The following CALD1 variants were observed in gnomAD, a reference collection of about 807,000 sequenced individuals.
The protein encoded by CALD1 is caldesmon 1.
Under a neutral mutation model 99.9 loss-of-function variants are expected in CALD1, and 33 were observed. That is an observed-to-expected ratio of 0.33 (90% CI 0.25 to 0.44). CALD1 has a LOEUF of 0.44. Ranked by LOEUF, CALD1 falls within the 20% of genes least tolerant of loss-of-function variation. The probability of loss-of-function intolerance (pLI) is 1.00; values close to 1 mark genes in which losing one functional copy is unlikely to be tolerated. For synonymous variants in CALD1, 310 were observed against 325.0 expected, an observed-to-expected ratio of 0.95 and a Z score of 0.50; for missense variants, 861 against 962.1, an observed-to-expected ratio of 0.89 and a Z score of 1.39.
At chr7:134,732,076 G>T in the CALD1 span, among the ~76,000 whole-genome samples, 1 of 152,200 alleles carries the variant, frequency 6.6e-6, no homozygotes, top group Admixed American at 6.5e-5. Flanking sequence ...TCTGTTTGTT[G>T]TTTTCTTTTT....
chr7:134,933,664 G>GA lies in CALD1; in HGVS notation c.900dup (p.Ala301SerfsTer82), dbSNP rs867395131. ...TGAACGAGCAAGAATTGAAGCAGAA[G>GA]AAAAAGCAGCTGCCCAAGAAAGAGA... On this transcript the variant is annotated frameshift_variant, in exon 5 of 15. Transcript: ENST00000361675. LOFTEE classifies it high-confidence loss of function. The GA allele has an allele frequency of 1.3e-6, 2 of 1,599,996 alleles. No individual in the cohort carries two copies. Among genetic ancestry groups the GA allele is most frequent in the African/African-American group, 2.7e-5 (2 of 74,622 alleles).
At chr7:134,858,679 C>T (rs577251909) in intron 2 of CALD1, among the ~76,000 whole-genome samples, 209 of 152,206 alleles carry the variant, frequency 1.4e-3, no homozygotes, top group African/African-American at 4.7e-3. Context: ...AAGCGATTCT[C>T]CTGCCTCAGC....
chr7:134,756,475 T>C (rs999739697), intron 1 of CALD1, among the ~76,000 whole-genome samples: 1 of 152,008 alleles, frequency 6.6e-6, no homozygotes, highest in Non-Finnish European at 1.5e-5. Context: ...CATGATCTAT[T>C]AGTGAGAGTT....
chr7:134,773,828 T>TGTG (rs1562993231), intron 1 of CALD1, among the ~76,000 whole-genome samples: 3 of 125,368 alleles, frequency 2.4e-5, no homozygotes, highest in African/African-American at 9.5e-5. Flanking sequence ...GTGTGTGTGT[T>TGTG]TCTGTTGTTT....
At chr7:134,876,625 AC>A (rs1801366920) in intron 3 of CALD1, among the ~76,000 whole-genome samples, 1 of 152,206 alleles carries the variant, frequency 6.6e-6, no homozygotes, top group African/African-American at 2.4e-5. Context: ...GTCAACAAGG[AC>A]AAAAAAACTT....
intron 1 of CALD1, among the ~76,000 whole-genome samples, chr7:134,793,523 C>G (rs1797623981): frequency 6.6e-6 from 1 of 152,014 alleles, no homozygotes; most frequent in African/African-American, 2.4e-5. Flanking sequence ...CCTTTTTGTC[C>G]CTTTTTTGTC....
chr7:134,852,598 CA>C (rs1216919016), intron 2 of CALD1, among the ~76,000 whole-genome samples: 1 of 152,148 alleles, frequency 6.6e-6, no homozygotes, highest in Non-Finnish European at 1.5e-5. Flanking sequence ...ACCTTCTAGG[CA>C]GTCATTGAAT....
intron 3 of CALD1, chr7:134,899,795 C>T: frequency 6.6e-6 from 1 of 152,308 alleles, no homozygotes; most frequent in East Asian, 1.9e-4. Context: ...AGATGCTTGC[C>T]ACCACTCCTA....
chr7:134,767,224 T>C (rs982629821), intron 1 of CALD1, among the ~76,000 whole-genome samples: 21 of 148,038 alleles, frequency 1.4e-4, no homozygotes, highest in East Asian at 4.0e-4. Flanking sequence ...TGTGTGTGTG[T>C]GCGTGTGTGA....
At chr7:134,740,300 TA>T (rs534151754), upstream of CALD1, among the ~76,000 whole-genome samples, 17 of 151,022 alleles carry the variant, frequency 1.1e-4, no homozygotes, top group African/African-American at 3.6e-4. Flanking sequence ...TGGAGGGGAT[TA>T]AAAAAAAAGA....
chr7:134,790,417 C>T (rs1247832724), intron 1 of CALD1, among the ~76,000 whole-genome samples: 1 of 152,178 alleles, frequency 6.6e-6, no homozygotes, highest in African/African-American at 2.4e-5. Flanking sequence ...CTGTTCAAAG[C>T]TCCTCCCTAA....
intron 13 of CALD1, among the ~76,000 whole-genome samples, chr7:134,964,268 G>C (rs1208848091): frequency 6.6e-6 from 1 of 152,204 alleles, no homozygotes. Context: ...AGTGATTCCA[G>C]AGCAAGTTGT....
chr7:134,738,623 A>G, the CALD1 span, among the ~76,000 whole-genome samples: 1 of 152,214 alleles, frequency 6.6e-6, no homozygotes, highest in East Asian at 1.9e-4. Flanking sequence ...TTATTAACAA[A>G]TTAGATGAGA....
At chr7:134,819,672 C>G (rs984983866) in intron 1 of CALD1, among the ~76,000 whole-genome samples, 1 of 152,180 alleles carries the variant, frequency 6.6e-6, no homozygotes, top group Non-Finnish European at 1.5e-5. Flanking sequence ...CTAAGAAGCC[C>G]TTGTAAAAAA....
rs564377762 is a variant in CALD1 at position 134,941,010 on chromosome 7, T to C, written c.1387-82T>C. On this transcript the variant is annotated intron_variant, in intron 6 of 14. Transcript: ENST00000361675. The stretch of plus-strand genomic sequence containing the variant: ...TGAGTTTTCTGCCTTCCTAACAATT[T>C]TGGGTCTTACTTGATGATACCAACC... 18 of 1,140,318 alleles carry C rather than the reference T, an allele frequency of 1.6e-5. 1 individual carries two copies. The South Asian group carries it at 2.0e-4, about 13-fold the overall frequency. 70.6% of individuals were successfully genotyped at this position (1,140,318 alleles called of 1,614,324 possible).
intron 1 of CALD1, among the ~76,000 whole-genome samples, chr7:134,834,217 A>C (rs1402131625): frequency 6.6e-6 from 1 of 152,212 alleles, no homozygotes; most frequent in Non-Finnish European, 1.5e-5. Flanking sequence ...GGTTGCTTGA[A>C]GTATTTATCG....
At chr7:134,904,361 G>C (rs1334698618) in intron 3 of CALD1, among the ~76,000 whole-genome samples, 1 of 151,906 alleles carries the variant, frequency 6.6e-6, no homozygotes, top group Non-Finnish European at 1.5e-5. Flanking sequence ...TGGGAGGATT[G>C]CTTGATCCCA....
intron 3 of CALD1, among the ~76,000 whole-genome samples, chr7:134,921,185 C>T (rs1440731877): frequency 1.3e-5 from 2 of 152,164 alleles, no homozygotes; most frequent in Non-Finnish European, 2.9e-5. Flanking sequence ...GTCTGATGAA[C>T]AGTTGTCTCA....
chr7:134,859,124 T>C (rs781527680), intron 2 of CALD1, among the ~76,000 whole-genome samples: 10 of 152,240 alleles, frequency 6.6e-5, no homozygotes, highest in Non-Finnish European at 1.2e-4. Flanking sequence ...TAACCCTAAA[T>C]AGATGGCCAC....
Sources: gnomAD v4.1 joint callset for allele counts (sites outside exome capture counted in the v4.1 genomes callset) on GRCh38, gnomAD v4.1.1 for gene constraint, MANE v1.5 for transcripts, NCBI Gene and HGNC (gene_info 2026-07-23, HGNC 2026-07-21) for gene names.